Variants in TRAPPC9 observed in about 807,000 individuals in gnomAD.
The protein encoded by TRAPPC9 is trafficking protein particle complex subunit 9.
Under a neutral mutation model 124.0 loss-of-function variants are expected in TRAPPC9, and 83 were observed. The ratio of observed to expected loss-of-function variants is 0.67; its 90% CI spans 0.56 to 0.80. The LOEUF is 0.80. TRAPPC9 is among the 30% of genes least tolerant of loss of function. The pLI is 0.00. For synonymous variants in TRAPPC9, 638 were observed against 617.5 expected (o/e 1.03, Z -0.49); for missense variants, 1,302 against 1,508.3 (o/e 0.86, Z 2.27).
chr8:139,902,405 G>A (rs200456829), intron 20 of TRAPPC9, among the ~76,000 whole-genome samples: 4 of 152,206 alleles, frequency 2.6e-5, no homozygotes, highest in Non-Finnish European at 4.4e-5. Flanking sequence ...AAGGCAGGAC[G>A]TCTCTCTGTG....
chr8:140,351,404 A>G (rs926886104), intron 9 of TRAPPC9, among the ~76,000 whole-genome samples: 4 of 151,706 alleles, frequency 2.6e-5, no homozygotes, highest in African/African-American at 9.7e-5. Context: ...TAAACAATGC[A>G]GTAGAATAAT....
chr8:140,141,450 CCA>C (rs2061381073), intron 17 of TRAPPC9, among the ~76,000 whole-genome samples: 1 of 152,120 alleles, frequency 6.6e-6, no homozygotes, highest in South Asian at 2.1e-4. Flanking sequence ...TCAGTACTAT[CCA>C]CAGTTTCAGG....
intron 20 of TRAPPC9, among the ~76,000 whole-genome samples, chr8:139,887,289 C>T (rs958823166): frequency 1.3e-5 from 2 of 149,744 alleles, no homozygotes; most frequent in Admixed American, 1.3e-4. Flanking sequence ...GGCATGATCT[C>T]GGCTCACTAC....
chr8:139,940,961 G>A (rs1833876782), intron 19 of TRAPPC9, among the ~76,000 whole-genome samples: 1 of 152,196 alleles, frequency 6.6e-6, no homozygotes, highest in Non-Finnish European at 1.5e-5. Flanking sequence ...CATAAGCCGG[G>A]CACCCACAGC....
intron 19 of TRAPPC9, among the ~76,000 whole-genome samples, chr8:139,944,517 T>G (rs926313100): frequency 7.2e-5 from 11 of 152,154 alleles, no homozygotes; most frequent in Non-Finnish European, 1.5e-4. Context: ...ATAATAACTT[T>G]AAATAGACCA....
chr8:140,244,631 C>T (rs2063935068), intron 16 of TRAPPC9, among the ~76,000 whole-genome samples: 1 of 152,190 alleles, frequency 6.6e-6, no homozygotes, highest in Non-Finnish European at 1.5e-5. Context: ...CGACAGCTCC[C>T]TGTGCTCAAA....
chr8:140,321,872 G>A (rs1468832514), intron 9 of TRAPPC9, among the ~76,000 whole-genome samples: 1 of 152,208 alleles, frequency 6.6e-6, no homozygotes, highest in East Asian at 1.9e-4. Flanking sequence ...AATCCAGGCA[G>A]GGCAGAGAGC....
intron 9 of TRAPPC9, among the ~76,000 whole-genome samples, chr8:140,328,571 T>C (rs754907462): frequency 6.6e-6 from 1 of 152,014 alleles, no homozygotes; most frequent in Non-Finnish European, 1.5e-5. Context: ...ACAATGGACT[T>C]TGGGGACTCA....
intron 21 of TRAPPC9, among the ~76,000 whole-genome samples, chr8:139,752,509 C>T (rs2130226978): frequency 6.6e-6 from 1 of 151,862 alleles, no homozygotes; most frequent in South Asian, 2.1e-4. Flanking sequence ...CATCTACCAT[C>T]CATCCAACAT....
At chr8:140,006,789 G>C (rs1291621165) in intron 18 of TRAPPC9, among the ~76,000 whole-genome samples, 1 of 152,168 alleles carries the variant, frequency 6.6e-6, no homozygotes, top group African/African-American at 2.4e-5. Flanking sequence ...ACAGAAGGTA[G>C]ATTAGTGGTA....
intron 21 of TRAPPC9, among the ~76,000 whole-genome samples, chr8:139,821,306 T>G (rs1825235981): frequency 6.6e-6 from 1 of 152,208 alleles, no homozygotes; most frequent in African/African-American, 2.4e-5. Flanking sequence ...TGGCAAAATA[T>G]GAAGTCCCTG....
At chr8:139,779,006 T>C (rs1324100473) in intron 21 of TRAPPC9, among the ~76,000 whole-genome samples, 1 of 152,106 alleles carries the variant, frequency 6.6e-6, no homozygotes, top group Non-Finnish European at 1.5e-5. Context: ...TTACTTTTAA[T>C]TTGCCATTAA....
chr8:140,173,239 A>G (rs1450965578), intron 17 of TRAPPC9, among the ~76,000 whole-genome samples: 1 of 152,216 alleles, frequency 6.6e-6, no homozygotes, highest in Admixed American at 6.5e-5. Flanking sequence ...GTGGAATCAC[A>G]AACTAGAACC....
intron 15 of TRAPPC9, among the ~76,000 whole-genome samples, chr8:140,270,220 G>A (rs968114544): frequency 5.3e-5 from 8 of 152,176 alleles, no homozygotes; most frequent in Non-Finnish European, 7.3e-5. Context: ...GGAAGGGGGC[G>A]GTGTCTAAGG....
chr8:140,167,264 G>A (rs2061856836), intron 17 of TRAPPC9, among the ~76,000 whole-genome samples: 1 of 152,186 alleles, frequency 6.6e-6, no homozygotes, highest in African/African-American at 2.4e-5. Flanking sequence ...TGGGACATAA[G>A]CAGGACACTG....
chr8:140,401,951 C>A (rs1013894634), intron 6 of TRAPPC9, among the ~76,000 whole-genome samples: 1 of 141,056 alleles, frequency 7.1e-6, no homozygotes, highest in Non-Finnish European at 1.5e-5. Flanking sequence ...TTAATTAATT[C>A]TTTCCTACCA....
At chr8:140,053,468 T>A (rs1842116087) in intron 17 of TRAPPC9, among the ~76,000 whole-genome samples, 1 of 152,270 alleles carries the variant, frequency 6.6e-6, no homozygotes, top group Non-Finnish European at 1.5e-5. Flanking sequence ...AGACTTACTT[T>A]GTGACCCAAT....
At chr8:140,265,972 G>A (rs116532754) in intron 15 of TRAPPC9, among the ~76,000 whole-genome samples, 311 of 152,154 alleles carry the variant, frequency 2.0e-3, no homozygotes, top group African/African-American at 6.9e-3. Flanking sequence ...GAAATTAAGC[G>A]GTGTGAACGT....
chr8:140,187,726 G>A (rs2062384194), intron 17 of TRAPPC9, among the ~76,000 whole-genome samples: 1 of 152,152 alleles, frequency 6.6e-6, no homozygotes, highest in African/African-American at 2.4e-5. Flanking sequence ...CCAGGCTGGA[G>A]TACAGTGGCT....
Sources: allele counts gnomAD v4.1 joint callset (sites outside exome capture counted in the v4.1 genomes callset), GRCh38; gene constraint gnomAD v4.1.1; transcripts MANE v1.5; gene names NCBI Gene and HGNC (gene_info 2026-07-23, HGNC 2026-07-21).